PCDH9: variants seen among roughly 807,000 people sequenced by gnomAD.
PCDH9 encodes protocadherin 9.
In PCDH9, 24 loss-of-function variants were observed where a neutral mutation model predicts 70.6. The ratio of observed to expected loss-of-function variants is 0.34; its 90% confidence interval spans 0.25 to 0.48. PCDH9 has a LOEUF of 0.48. Ranked by LOEUF, PCDH9 falls within the 20% of genes least tolerant of loss-of-function variation. The pLI is 0.99. For missense variants in PCDH9, 1,281 were observed against 1,503.6 expected (o/e 0.85, Z 2.45); for synonymous variants, 562 against 558.5 (o/e 1.01, Z -0.09).
chr13:66,307,327 A>C (rs1158383282), intron 4 of PCDH9, among the ~76,000 whole-genome samples: 1 of 152,118 alleles, frequency 6.6e-6, no homozygotes, highest in Non-Finnish European at 1.5e-5. Flanking sequence ...AACAATGTTA[A>C]TTGTTAATTA....
intron 4 of PCDH9, among the ~76,000 whole-genome samples, chr13:66,360,221 G>A (rs1361337334): frequency 3.9e-5 from 6 of 152,040 alleles, no homozygotes; most frequent in African/African-American, 1.4e-4. Flanking sequence ...GAAAAGACAT[G>A]CTGCTAAAAT....
At chr13:66,531,688 G>A (rs1960464714) in intron 4 of PCDH9, among the ~76,000 whole-genome samples, 1 of 152,000 alleles carries the variant, frequency 6.6e-6, no homozygotes, top group African/African-American at 2.4e-5. Context: ...AAATGCAAGA[G>A]GGCTCCTGGA....
chr13:67,147,153 T>G (rs1356243019), intron 2 of PCDH9, among the ~76,000 whole-genome samples: 1 of 152,176 alleles, frequency 6.6e-6, no homozygotes, highest in African/African-American at 2.4e-5. Context: ...TGAAAAGACT[T>G]CCGAAATCAT....
At chr13:66,818,825 A>T (rs991091521) in intron 3 of PCDH9, among the ~76,000 whole-genome samples, 16 of 152,010 alleles carry the variant, frequency 1.1e-4, no homozygotes, top group South Asian at 2.1e-4. Context: ...TCCCAGCTAC[A>T]CGGGAGGCTG....
chr13:67,055,458 T>C (rs2085399805), intron 2 of PCDH9, among the ~76,000 whole-genome samples: 2 of 152,176 alleles, frequency 1.3e-5, no homozygotes, highest in Admixed American at 6.6e-5. Flanking sequence ...CTTAAGATTT[T>C]TGGCTTGATT....
At chr13:67,068,318 A>AT (rs977331384) in intron 2 of PCDH9, among the ~76,000 whole-genome samples, 2 of 151,792 alleles carry the variant, frequency 1.3e-5, no homozygotes, top group South Asian at 2.1e-4. Context: ...TTAAAAGTTC[A>AT]TTTTTTCAAA....
intron 2 of PCDH9, among the ~76,000 whole-genome samples, chr13:67,143,837 T>A (rs561432399): frequency 1.2e-4 from 18 of 152,266 alleles, no homozygotes; most frequent in African/African-American, 4.3e-4. Flanking sequence ...TCAGTCTCAT[T>A]TAAAGTGTTC....
intron 2 of PCDH9, among the ~76,000 whole-genome samples, chr13:67,053,476 G>A (rs970405026): frequency 1.3e-5 from 2 of 152,154 alleles, no homozygotes; most frequent in African/African-American, 4.8e-5. Context: ...GATACTGGTA[G>A]GGGAGCATTG....
At chr13:66,860,402 T>G (rs1470716553) in intron 3 of PCDH9, among the ~76,000 whole-genome samples, 1 of 152,130 alleles carries the variant, frequency 6.6e-6, no homozygotes, top group African/African-American at 2.4e-5. Flanking sequence ...CTGGTGAACA[T>G]AGCTAACACC....
intron 2 of PCDH9, among the ~76,000 whole-genome samples, chr13:67,159,799 A>G (rs2087907870): frequency 1.3e-5 from 2 of 152,208 alleles, no homozygotes; most frequent in African/African-American, 4.8e-5. Context: ...CATTGAAAAC[A>G]ATGTAGCAAT....
At chr13:67,077,576 G>A (rs532544962) in intron 2 of PCDH9, among the ~76,000 whole-genome samples, 87 of 152,150 alleles carry the variant, frequency 5.7e-4, no homozygotes, top group African/African-American at 2.0e-3. Context: ...CTGATGTTTA[G>A]AATAGTATCT....
intron 4 of PCDH9, among the ~76,000 whole-genome samples, chr13:66,407,866 T>C (rs912130562): frequency 6.6e-6 from 1 of 152,192 alleles, no homozygotes; most frequent in African/African-American, 2.4e-5. Context: ...ACATGTACTT[T>C]AATAATATAA....
chr13:67,200,493 G>T (rs1274013641), intron 2 of PCDH9, among the ~76,000 whole-genome samples: 2 of 151,932 alleles, frequency 1.3e-5, no homozygotes, highest in South Asian at 4.2e-4. Flanking sequence ...ATCCTCTAGT[G>T]AGCAAACCTA....
chr13:66,698,915 TTTG>T lies in PCDH9; in HGVS notation c.3139-67507_3139-67505del, dbSNP rs1355502833. 3.7e-3 allele frequency among the ~76,000 whole-genome samples: 498 copies of T among 133,084 alleles called. 51 individuals are homozygous for T. Among genetic ancestry groups the T allele is most frequent in the East Asian group, 6.4e-3 (27 of 4,246 alleles). The allele number at this position is 133,084 out of a possible 152,430, so 87.3% of individuals were successfully genotyped here. Reference sequence around the variant, plus strand: ...TTCCTCTTTTTTTTTTTTTTTTTTTTTTGTTGTTGTTGTTGTTGAGATGGAGTC... The same window carrying T: ...TTCCTCTTTTTTTTTTTTTTTTTTTTTTGTTGTTGTTGTTGAGATGGAGTC... On this transcript the variant is annotated intron_variant, in intron 3 of 4. Transcript: ENST00000377865.
At chr13:66,431,265 T>C (rs1011817741) in intron 4 of PCDH9, among the ~76,000 whole-genome samples, 3 of 152,108 alleles carry the variant, frequency 2.0e-5, no homozygotes, top group African/African-American at 7.2e-5. Flanking sequence ...GCATCCTCTA[T>C]GTGTAAGAAA....
intron 4 of PCDH9, among the ~76,000 whole-genome samples, chr13:66,499,827 A>G (rs1826063767): frequency 6.6e-6 from 1 of 152,174 alleles, no homozygotes. Context: ...GTGCCATCTC[A>G]CAGGTAATGA....
intron 3 of PCDH9, among the ~76,000 whole-genome samples, chr13:66,791,972 C>G (rs1407492596): frequency 6.6e-6 from 1 of 152,068 alleles, no homozygotes; most frequent in African/African-American, 2.4e-5. Context: ...CTCTTACACA[C>G]CTGGGTTATG....
chr13:66,359,887 T>A (rs965364696), intron 4 of PCDH9, among the ~76,000 whole-genome samples: 1 of 152,108 alleles, frequency 6.6e-6, no homozygotes, highest in Admixed American at 6.6e-5. Context: ...TTGTTAAAAG[T>A]ATAAGTATGT....
intron 2 of PCDH9, among the ~76,000 whole-genome samples, chr13:66,917,241 C>T (rs543479107): frequency 9.9e-5 from 15 of 151,484 alleles, no homozygotes; most frequent in South Asian, 4.2e-4. Flanking sequence ...TTTAAAATGG[C>T]CTGCCACGAA....
Sources: allele counts gnomAD v4.1 joint callset (sites outside exome capture counted in the v4.1 genomes callset), GRCh38; gene constraint gnomAD v4.1.1; transcripts MANE v1.5; gene names NCBI Gene and HGNC (gene_info 2026-07-23, HGNC 2026-07-21).